The following ADRA1B variants were observed in gnomAD, a reference collection of about 807,000 sequenced individuals.
ADRA1B encodes alpha-1B adrenergic receptor.
In ADRA1B, 17 loss-of-function variants were observed where a neutral mutation model predicts 17.9. The observed-to-expected ratio is 0.95, with a 90% confidence interval of 0.65 to 1.42. ADRA1B has a LOEUF of 1.42. Ranked by LOEUF, ADRA1B falls within the 40% of genes most tolerant of loss-of-function variation. The pLI is 0.00. For missense variants in ADRA1B, 681 were observed against 722.1 expected, an observed-to-expected ratio of 0.94 and a Z score of 0.65; for synonymous variants, 366 against 327.6, an observed-to-expected ratio of 1.12 and a Z score of -1.27.
upstream of ADRA1B, among the ~76,000 whole-genome samples, chr5:159,914,405 C>T (rs1025317693): frequency 2.0e-5 from 3 of 152,220 alleles, no homozygotes; most frequent in Non-Finnish European, 4.4e-5. Flanking sequence ...TTCCCTAGTG[C>T]ACCACCTCCA....
At chr5:159,947,770 C>G in intron 1 of ADRA1B, 1 of 985,386 alleles carries the variant, frequency 1.0e-6, no homozygotes, top group Non-Finnish European at 1.2e-6. Context: ...CAATTTAAAT[C>G]TCTCCAGCCT....
chr5:159,978,459 G>C, the ADRA1B span, among the ~76,000 whole-genome samples: 1 of 152,182 alleles, frequency 6.6e-6, no homozygotes, highest in Admixed American at 6.5e-5. Context: ...CATAGTTAGT[G>C]CTCTCCCTTG....
chr5:159,976,354 G>A (rs560891468), downstream of ADRA1B, among the ~76,000 whole-genome samples: 24 of 152,140 alleles, frequency 1.6e-4, no homozygotes, highest in African/African-American at 4.8e-4. Flanking sequence ...AATTTATCAC[G>A]GAGTAAAAGA....
At chr5:159,899,179 AAAAAG>A (rs200946727) in intron 1 of ADRA1B, among the ~76,000 whole-genome samples, 2,789 of 150,322 alleles carry the variant, frequency 0.019, 35 homozygotes, top group Middle Eastern at 0.038. Context: ...AAGAAAAGAA[AAAAAG>A]AAAAGAAAAG....
At chr5:159,929,893 C>T (rs181755803) in intron 1 of ADRA1B, among the ~76,000 whole-genome samples, 4 of 152,206 alleles carry the variant, frequency 2.6e-5, no homozygotes, top group Admixed American at 2.0e-4. Flanking sequence ...CATACATATC[C>T]ACATGCGTAT....
intron 1 of ADRA1B, among the ~76,000 whole-genome samples, chr5:159,925,075 G>A (rs754371346): frequency 6.6e-6 from 1 of 152,204 alleles, no homozygotes; most frequent in African/African-American, 2.4e-5. Flanking sequence ...TTACCCAGCT[G>A]ATCAATGACA....
chr5:159,893,825 C>A (rs868729055), intron 1 of ADRA1B, among the ~76,000 whole-genome samples: 15 of 152,122 alleles, frequency 9.9e-5, no homozygotes, highest in African/African-American at 3.4e-4. Context: ...AGGAAGCAAG[C>A]GGAAACTTGC....
intron 1 of ADRA1B, chr5:159,948,103 C>T: frequency 2.0e-6 from 2 of 985,440 alleles, no homozygotes; most frequent in Non-Finnish European, 2.4e-6. Flanking sequence ...AGCTGAAAGT[C>T]TCTGTACCTT....
At chr5:159,966,535 G>C (rs756507683) in intron 1 of ADRA1B, among the ~76,000 whole-genome samples, 1 of 152,146 alleles carries the variant, frequency 6.6e-6, no homozygotes, top group Non-Finnish European at 1.5e-5. Context: ...ACTTGTTCAG[G>C]GTGCAAAGGA....
chr5:159,903,020 G>A (rs560626858), intron 1 of ADRA1B, among the ~76,000 whole-genome samples: 4 of 152,262 alleles, frequency 2.6e-5, no homozygotes, highest in Non-Finnish European at 4.4e-5. Context: ...CATCCCCCGC[G>A]GTTACCTAGG....
chr5:159,955,132 C>T (rs189033293), intron 1 of ADRA1B: 1 of 984,816 alleles, frequency 1.0e-6, no homozygotes, highest in East Asian at 1.1e-4. Context: ...TACCGAAAGA[C>T]AAGAAAGGGC....
chr5:159,920,211 C>A lies in ADRA1B; in HGVS notation c.949+2357C>A, dbSNP rs1408221583. Among the ~76,000 whole-genome samples, 7 of 152,130 alleles carry A rather than the reference C, an allele frequency of 4.6e-5. No homozygotes were observed. In the East Asian group the frequency reaches 1.2e-3, roughly 25 times the overall value. On this transcript the variant is annotated intron_variant, in intron 1 of 1. Coordinates refer to ENST00000306675, the MANE Select transcript of ADRA1B (RefSeq NM_000679.4). ...TTGAGAATCACTGGCCAGAAAATTT[C>A]TCAGTTTCCTTCAGGCCCAGCACCC... is the stretch of plus-strand genomic sequence containing the variant.
the ADRA1B span, among the ~76,000 whole-genome samples, chr5:159,980,163 G>A: frequency 6.6e-6 from 1 of 152,054 alleles, no homozygotes; most frequent in Non-Finnish European, 1.5e-5. Flanking sequence ...CCAGAAATGA[G>A]GATTCAAGCA....
intron 1 of ADRA1B, among the ~76,000 whole-genome samples, chr5:159,900,673 C>T (rs908162303): frequency 6.6e-6 from 1 of 152,236 alleles, no homozygotes; most frequent in African/African-American, 2.4e-5. Flanking sequence ...GGAGCAATGT[C>T]CTCACTTCTC....
At chr5:159,922,442 C>A (rs908725972) in intron 1 of ADRA1B, among the ~76,000 whole-genome samples, 1 of 152,212 alleles carries the variant, frequency 6.6e-6, no homozygotes, top group Admixed American at 6.5e-5. Context: ...TGTCTGATAG[C>A]AACCTGTTTT....
At chr5:159,953,799 G>A (rs190066434) in intron 1 of ADRA1B, among the ~76,000 whole-genome samples, 1 of 152,202 alleles carries the variant, frequency 6.6e-6, no homozygotes, top group Admixed American at 6.5e-5. Flanking sequence ...TGCTGTGAAG[G>A]GGAGCAAAGC....
intron 1 of ADRA1B, among the ~76,000 whole-genome samples, chr5:159,911,135 G>T (rs1001496058): frequency 1.2e-4 from 18 of 152,146 alleles, no homozygotes; most frequent in African/African-American, 4.3e-4. Context: ...AAACAAGACT[G>T]CAACTTAAAG....
At chr5:159,876,705 G>A (rs1043551627) in intron 1 of ADRA1B, among the ~76,000 whole-genome samples, 1 of 152,208 alleles carries the variant, frequency 6.6e-6, no homozygotes. Context: ...TTCTGTTAGA[G>A]TGGCTCTGTG....
At position 159,972,536 on chromosome 5, in the gene ADRA1B, T is replaced by TG; in HGVS notation, c.*51dup. 3 of 29,230 alleles carry TG rather than the reference T, an allele frequency of 1.0e-4. No individual in the cohort carries two copies. The highest frequency in any genetic ancestry group is 1.6e-4 in the Non-Finnish European group (3 of 18,642). The allele number at this position is 29,230 out of a possible 1,614,324, so 1.8% of individuals were successfully genotyped here. A position where few individuals can be genotyped will look rare whatever the true frequency, so the allele number is the denominator to read the frequency against. On this transcript the variant is annotated 3_prime_UTR_variant, in exon 2 of 2. Transcript: ENST00000306675. ...TCTTTCCCTGGGGAGGAAAACATCGTGGGGGGGAGGGGAGGGCGGGGCGGA... is the reference window on the plus strand; with the variant it reads ...TCTTTCCCTGGGGAGGAAAACATCGTGGGGGGGGAGGGGAGGGCGGGGCGGA...
Sources: allele counts gnomAD v4.1 joint callset (sites outside exome capture counted in the v4.1 genomes callset), GRCh38; gene constraint gnomAD v4.1.1; transcripts MANE v1.5; gene names NCBI Gene and HGNC (gene_info 2026-07-23, HGNC 2026-07-21).